Variants in WNK1 observed in about 807,000 individuals in gnomAD.
The protein encoded by WNK1 is serine/threonine-protein kinase WNK1.
A neutral mutation model predicts 222.8 loss-of-function variants in WNK1; 38 were observed. That is an observed-to-expected ratio of 0.17 (90% confidence interval 0.13 to 0.22). The LOEUF is 0.22. Ranked by LOEUF, WNK1 falls within the 10% of genes least tolerant of loss-of-function variation. The pLI, the probability that WNK1 is intolerant of heterozygous loss-of-function variation, is 1.00. For synonymous variants in WNK1, 1,090 were observed against 1,092.9 expected (o/e 1.00, Z 0.05); for missense variants, 2,348 against 2,918.4 (o/e 0.80, Z 4.50).
chr12:776,472 C>T (rs1943110585), intron 1 of WNK1, among the ~76,000 whole-genome samples: 1 of 146,776 alleles, frequency 6.8e-6, no homozygotes, highest in Non-Finnish European at 1.5e-5. Flanking sequence ...TCGCTTTATC[C>T]CCAGGCTGAG....
At chr12:882,833 A>C (rs532019980) in intron 14 of WNK1, 110 bp from the exon 15 acceptor site, 8 of 758,726 alleles carry the variant, frequency 1.1e-5, no homozygotes, top group South Asian at 1.0e-4. Flanking sequence ...CAGCGATAAC[A>C]CTATGCTTCC....
intron 4 of WNK1, among the ~76,000 whole-genome samples, chr12:833,282 A>T (rs1018464053): frequency 3.3e-5 from 5 of 152,120 alleles, no homozygotes; most frequent in Admixed American, 2.6e-4. Flanking sequence ...TTGTGAATTT[A>T]TTTTTTTATT....
intron 26 of WNK1, among the ~76,000 whole-genome samples, chr12:906,040 A>G (rs72650798): frequency 3.8e-4 from 58 of 152,268 alleles, no homozygotes; most frequent in African/African-American, 1.3e-3. Context: ...GAGACCAGCG[A>G]TGGTCAGTAA....
At chr12:904,980 G>A (rs1315492172) in intron 26 of WNK1, among the ~76,000 whole-genome samples, 1 of 152,206 alleles carries the variant, frequency 6.6e-6, no homozygotes. Context: ...GCCACTTACA[G>A]TGTTGTAGGT....
chr12:796,412 G>C (rs1312109632), intron 1 of WNK1, among the ~76,000 whole-genome samples: 1 of 151,978 alleles, frequency 6.6e-6, no homozygotes, highest in African/African-American at 2.4e-5. Flanking sequence ...CCTGTATTAC[G>C]CAATAAGGAG....
chr12:884,289 C>G lies in WNK1; in HGVS notation c.3844+46C>G, dbSNP rs1565579817. 1 of 1,612,172 alleles carries G rather than the reference C, an allele frequency of 6.2e-7. No individual in the cohort carries two copies. The highest frequency in any genetic ancestry group is 2.2e-5 in the East Asian group (1 of 44,822). On this transcript the variant is annotated intron_variant, in intron 18 of 27. Transcript: ENST00000315939. This position sits in a 1 kb window ranked among gnomAD's most constrained non-coding sequence, Gnocchi z 5.6. ...CATTGTTATGTAAATTCTACAGTGC[C>G]TCTGCTATGTTGAAAGCTTAATCAT...
chr12:890,339 A>G, intron 21 of WNK1, 114 bp from the exon 22 acceptor site: 1 of 1,026,140 alleles, frequency 9.7e-7, no homozygotes, highest in Non-Finnish European at 1.5e-6. Context: ...TAAGTGTTTC[A>G]TCACATATAC....
chr12:790,970 T>C (rs1263101842), intron 1 of WNK1, among the ~76,000 whole-genome samples: 2 of 152,254 alleles, frequency 1.3e-5, no homozygotes, highest in South Asian at 4.1e-4. Context: ...TCTATGGAAA[T>C]GAATTATAGC....
intron 27 of WNK1, 74 bp from the exon 28 acceptor site, chr12:908,401 G>C: frequency 7.1e-7 from 1 of 1,415,412 alleles, no homozygotes; most frequent in Non-Finnish European, 1.0e-6. Flanking sequence ...GATTATACTA[G>C]AAGTATATGT....
At chr12:883,967 G>T in intron 17 of WNK1, 136 bp downstream of exon 17, 1 of 1,473,502 alleles carries the variant, frequency 6.8e-7, no homozygotes, top group South Asian at 1.2e-5. Flanking sequence ...GGCGGAGGTT[G>T]CAGTGAGCTG....
rs1202760585 is a variant in WNK1 at position 910,074 on chromosome 12, A to T, written c.*1282A>T. On this transcript the variant is annotated 3_prime_UTR_variant, in exon 28 of 28. Transcript: ENST00000315939. ...AGTGACTGTCATATAAACCTTTCTT[A>T]TTTGAGCTAGGCTTGAACAGACGTG... 1 of 151,606 alleles carries T rather than the reference A, an allele frequency of 6.6e-6. No homozygotes were observed. Among genetic ancestry groups the T allele is most frequent in the Non-Finnish European group, 1.5e-5 (1 of 67,928 alleles). The allele number at this position is 151,606 out of a possible 1,614,324, so 9.4% of individuals were successfully genotyped here. A position where few individuals can be genotyped will look rare whatever the true frequency, so the allele number is the denominator to read the frequency against.
rs572345537 is a variant in WNK1, at chr12:854,636, C to T, written c.1312-2525C>T. Reference sequence around the variant, plus strand: ...GTGCTGGGATTATAGGTGTGAGCCACCATGCCTGGCCAAGAACTTATCTTT... The same window carrying T: ...GTGCTGGGATTATAGGTGTGAGCCATCATGCCTGGCCAAGAACTTATCTTT... On this transcript the variant is annotated intron_variant, in intron 4 of 27. Transcript: ENST00000315939. 2.6e-5 allele frequency among the ~76,000 whole-genome samples: 4 copies of T among 152,184 alleles called. No individual in the cohort carries two copies. In the East Asian group the frequency reaches 7.7e-4, roughly 29 times the overall value.
At chr12:788,655 G>A (rs879864549) in intron 1 of WNK1, among the ~76,000 whole-genome samples, 4 of 152,182 alleles carry the variant, frequency 2.6e-5, no homozygotes, top group Non-Finnish European at 4.4e-5. Context: ...TTGGGAGGCC[G>A]AGGCAAGTGG....
intron 26 of WNK1, among the ~76,000 whole-genome samples, chr12:905,510 G>A (rs1312972329): frequency 6.6e-6 from 1 of 152,122 alleles, no homozygotes; most frequent in African/African-American, 2.4e-5. Context: ...CAATGGTCAC[G>A]CCTCCTGAGC....
In WNK1 at chr12:911,168, C is replaced by CTGTT. The variant is rs1399161251; in HGVS notation, c.*2378_*2381dup. 20 of 397,184 alleles carry CTGTT rather than the reference C, an allele frequency of 5.0e-5. No individual in the cohort carries two copies. The highest frequency in any genetic ancestry group is 6.3e-4 in the Middle Eastern group (1 of 1,582). 24.6% of individuals were successfully genotyped at this position (397,184 alleles called of 1,614,324 possible). On this transcript the variant is annotated 3_prime_UTR_variant, in exon 28 of 28. Coordinates refer to ENST00000315939, the MANE Select transcript of WNK1 (RefSeq NM_018979.4). ...AGAGGAATGAACTAGTGCTACTGAACTGTTTAAATTATTTTTGTGTTAATA... is the reference window on the plus strand; with the variant it reads ...AGAGGAATGAACTAGTGCTACTGAACTGTTTGTTTAAATTATTTTTGTGTTAATA...
intron 1 of WNK1, among the ~76,000 whole-genome samples, chr12:755,478 G>C (rs915994482): frequency 2.0e-5 from 3 of 152,172 alleles, no homozygotes; most frequent in African/African-American, 7.2e-5. Context: ...ACAGCATGTG[G>C]AAGTAAACTT....
Position 896,595 on chromosome 12 carries a change from G to C in WNK1, c.6108G>C (p.Leu2036=). The change falls in exon 24 of 28, where the codon CTG becomes CTC. Residue 2036 remains leucine (L), a synonymous_variant. Transcript: ENST00000315939. Reference sequence around the variant, plus strand: ...GTAGTCCACACTCGCCCCATCAGCTGAGCTCAAAGAGCCTTCCTAGCCAGA... The same window carrying C: ...GTAGTCCACACTCGCCCCATCAGCTCAGCTCAAAGAGCCTTCCTAGCCAGA... ...GSGSPHSPHQ[L]SSKSLPSQNL... The C allele has an allele frequency of 6.2e-7, 1 of 1,609,556 alleles. No individual in the cohort carries two copies. Among genetic ancestry groups the C allele is most frequent in the African/African-American group, 1.3e-5 (1 of 74,314 alleles).
chr12:879,708 C>T lies in WNK1; in HGVS notation c.2509C>T (p.Pro837Ser), dbSNP rs2154080379. 1 of 1,613,898 alleles carries T rather than the reference C, an allele frequency of 6.2e-7. No homozygotes were observed. Among genetic ancestry groups the T allele is most frequent in the Non-Finnish European group, 8.5e-7 (1 of 1,179,986 alleles). The change falls in exon 11 of 28, where the codon CCT (proline) becomes TCT (serine). Residue 837 changes from proline to serine, a missense_variant. By Grantham distance (74) the Pro-to-Ser change is moderately conservative. This residue lies in a region of WNK1 where 547 missense variants were observed against 558.3 expected (regional missense o/e 0.98). Coordinates refer to ENST00000315939, the MANE Select transcript of WNK1 (RefSeq NM_018979.4). ...ACAGCCGCTCCCTACTCCCTTGCTC[C>T]CTCAGTACCCTGTCTCTCAGATTCC... ...VGQPLPTPLL[P>S]QYPVSQIPIS... is the part of the protein sequence containing the mutation.
At chr12:851,858 A>G in intron 4 of WNK1, 2 of 1,159,182 alleles carry the variant, frequency 1.7e-6, no homozygotes, top group Non-Finnish European at 2.2e-6. Context: ...AGTTTCCAAT[A>G]TTGAAATTGT....
Sources: allele counts gnomAD v4.1 joint callset (sites outside exome capture counted in the v4.1 genomes callset), GRCh38; gene constraint gnomAD v4.1.1; regional missense constraint gnomAD v4.1.1; non-coding constraint Gnocchi (gnomAD v3.1); transcripts MANE v1.5; gene names NCBI Gene and HGNC (gene_info 2026-07-23, HGNC 2026-07-21).